CCDC68: variants seen among roughly 807,000 people sequenced by gnomAD.
The protein encoded by CCDC68 is coiled-coil domain-containing protein 68.
CCDC68 carries 45 observed loss-of-function variants against 47.1 expected under a neutral mutation model. That is an observed-to-expected ratio of 0.96 (90% CI 0.75 to 1.23). The LOEUF (loss-of-function observed/expected upper bound fraction) is 1.23, where lower values mean the gene tolerates loss of function less well. Ranked by LOEUF, CCDC68 falls within the 50% of genes most tolerant of loss-of-function variation. CCDC68 has a pLI of 0.00. For synonymous variants in CCDC68, 131 were observed against 129.5 expected, an observed-to-expected ratio of 1.01 and a Z score of -0.08; for missense variants, 353 against 373.6, an observed-to-expected ratio of 0.94 and a Z score of 0.45.
intron 7 of CCDC68, among the ~76,000 whole-genome samples, chr18:54,933,161 A>G (rs1477275694): frequency 6.6e-6 from 1 of 152,082 alleles, no homozygotes; most frequent in Non-Finnish European, 1.5e-5. Context: ...GGTTCACTGC[A>G]ACCTCCGCCT....
chr18:54,917,931 A>C lies in CCDC68; in HGVS notation c.855T>G (p.Val285=). 1 of 1,577,322 alleles carries C rather than the reference A, an allele frequency of 6.3e-7. No homozygotes were observed. Among genetic ancestry groups the C allele is most frequent in the Non-Finnish European group, 8.7e-7 (1 of 1,149,654 alleles). The stretch of plus-strand genomic sequence containing the variant: ...TCCTTACCTGGGCTTCAAGTATGTT[A>C]ACCTTTTCTCTGAGATTTTCAATTC... ...DKRIENLREK[V]NILEAQNKEL... The change falls in exon 10 of 12, where the codon GTT becomes GTG. Residue 285 remains valine (V), a synonymous_variant. Coordinates refer to ENST00000591504, the MANE Select transcript of CCDC68 (RefSeq NM_025214.3).
intron 4 of CCDC68, among the ~76,000 whole-genome samples, chr18:54,940,483 G>A (rs188998725): frequency 1.5e-4 from 23 of 152,284 alleles, no homozygotes; most frequent in Admixed American, 1.2e-3. Flanking sequence ...GCCTATAGTG[G>A]ACAACACTGA....
chr18:54,939,315 A>G (rs1218211330), intron 4 of CCDC68, among the ~76,000 whole-genome samples: 4 of 152,132 alleles, frequency 2.6e-5, no homozygotes, highest in Non-Finnish European at 5.9e-5. Flanking sequence ...AAGGCAGATT[A>G]TCAGCAGTGG....
intron 10 of CCDC68, 51 bp downstream of exon 10, chr18:54,917,861 AC>A: frequency 1.1e-6 from 1 of 932,072 alleles, no homozygotes; most frequent in Non-Finnish European, 1.7e-6. Flanking sequence ...ACACACACAC[AC>A]ACACACACTC....
intron 8 of CCDC68, among the ~76,000 whole-genome samples, chr18:54,920,246 T>C (rs1167985870): frequency 6.6e-6 from 1 of 150,598 alleles, no homozygotes; most frequent in Non-Finnish European, 1.5e-5. Context: ...CTTTTTTTTT[T>C]TTTTTTTGTT....
intron 10 of CCDC68, among the ~76,000 whole-genome samples, chr18:54,916,528 A>G (rs1394758019): frequency 6.6e-6 from 1 of 152,142 alleles, no homozygotes; most frequent in Non-Finnish European, 1.5e-5. Flanking sequence ...ATTGGCAGAA[A>G]ATCAAAATAC....
intron 6 of CCDC68, 107 bp from the exon 7 acceptor site, chr18:54,935,055 C>CTAAACAAGTATGA: frequency 2.4e-6 from 2 of 840,376 alleles, no homozygotes; most frequent in Non-Finnish European, 3.3e-6. Context: ...ATTCAGAATT[C>CTAAACAAGTATGA]ATACTTGTTT....
intron 10 of CCDC68, among the ~76,000 whole-genome samples, chr18:54,913,609 C>T (rs776241684): frequency 6.6e-6 from 1 of 151,808 alleles, no homozygotes; most frequent in Non-Finnish European, 1.5e-5. Context: ...TGAAACCAGG[C>T]CTGGCAACAC....
chr18:54,922,624 G>A (rs778659276), intron 8 of CCDC68, among the ~76,000 whole-genome samples: 4 of 152,038 alleles, frequency 2.6e-5, no homozygotes, highest in Non-Finnish European at 5.9e-5. Context: ...AGGCCAAGGC[G>A]GGTAGATCAC....
At chr18:54,904,935 C>T (rs1428576837) in intron 11 of CCDC68, among the ~76,000 whole-genome samples, 1 of 152,024 alleles carries the variant, frequency 6.6e-6, no homozygotes, top group Non-Finnish European at 1.5e-5. Flanking sequence ...TGTTGTTTAA[C>T]AACATGGCCC....
At chr18:54,922,534 T>C (rs1211139109) in intron 8 of CCDC68, among the ~76,000 whole-genome samples, 1 of 151,978 alleles carries the variant, frequency 6.6e-6, no homozygotes, top group Non-Finnish European at 1.5e-5. Context: ...CCTCAGTTAC[T>C]AGGAAAAGAT....
intron 5 of CCDC68, 167 bp from the exon 6 acceptor site, chr18:54,937,125 A>G (rs2044363392): frequency 3.1e-6 from 2 of 648,126 alleles, no homozygotes; most frequent in Admixed American, 3.0e-5. Context: ...AGGAAAATGT[A>G]AAATGAGAAA....
At chr18:54,922,728 C>T (rs1188076472) in intron 8 of CCDC68, among the ~76,000 whole-genome samples, 1 of 152,072 alleles carries the variant, frequency 6.6e-6, no homozygotes, top group Admixed American at 6.6e-5. Context: ...TGGCTCACAC[C>T]TGTAATCCCA....
chr18:54,936,280 TTTAAATA>T (rs1568152267), intron 6 of CCDC68, among the ~76,000 whole-genome samples: 1 of 145,942 alleles, frequency 6.9e-6, no homozygotes, highest in Non-Finnish European at 1.5e-5. Flanking sequence ...GTTATATATT[TTTAAATA>T]ATATATAAAA....
chr18:54,927,718 T>C (rs753446578), intron 8 of CCDC68, among the ~76,000 whole-genome samples: 5 of 152,240 alleles, frequency 3.3e-5, no homozygotes, highest in Non-Finnish European at 7.3e-5. Flanking sequence ...TATATGTTTG[T>C]TACAGGGAAG....
At chr18:54,938,417 T>TTTAAA (rs1458631910) in intron 4 of CCDC68, among the ~76,000 whole-genome samples, 1 of 152,244 alleles carries the variant, frequency 6.6e-6, no homozygotes, top group Admixed American at 6.5e-5. Context: ...TTTAAAAATC[T>TTTAAA]AAGTTGTGGA....
chr18:54,947,314 C>T (rs188730019), intron 1 of CCDC68, among the ~76,000 whole-genome samples: 29 of 152,342 alleles, frequency 1.9e-4, no homozygotes, highest in Non-Finnish European at 3.7e-4. Flanking sequence ...TCAAACAGGG[C>T]TCCCAGGGAG....
chr18:54,957,057 T>C (rs777879595), intron 1 of CCDC68, among the ~76,000 whole-genome samples: 2 of 152,220 alleles, frequency 1.3e-5, no homozygotes, highest in Non-Finnish European at 2.9e-5. Context: ...AATGGATAGA[T>C]GTTTTTCAGT....
chr18:54,944,235 C>T (rs1304649114), intron 2 of CCDC68, among the ~76,000 whole-genome samples: 1 of 152,004 alleles, frequency 6.6e-6, no homozygotes, highest in Non-Finnish European at 1.5e-5. Context: ...GACTTCTTGG[C>T]TGATCCAGGT....
Sources: allele counts gnomAD v4.1 joint callset (sites outside exome capture counted in the v4.1 genomes callset), GRCh38; gene constraint gnomAD v4.1.1; transcripts MANE v1.5; gene names NCBI Gene and HGNC (gene_info 2026-07-23, HGNC 2026-07-21).